Variants in MCM7 observed in about 807,000 individuals in gnomAD.
MCM7 encodes the protein minichromosome maintenance complex component 7, also known as DNA replication licensing factor MCM7.
Under a neutral mutation model 83.5 loss-of-function variants are expected in MCM7, and 95 were observed. The ratio of observed to expected loss-of-function variants is 1.14; its 90% confidence interval spans 0.96 to 1.35. The LOEUF is 1.35. Ranked by LOEUF, MCM7 falls within the 40% of genes most tolerant of loss-of-function variation. MCM7 has a pLI of 0.00. For missense variants in MCM7, 1,087 were observed against 957.4 expected (o/e 1.14, Z -1.79); for synonymous variants, 461 against 352.7 (o/e 1.31, Z -3.44).
chr7:100,100,357 C>T, intron 1 of MCM7: 3 of 1,133,102 alleles, frequency 2.6e-6, no homozygotes, highest in Non-Finnish European at 3.3e-6. Flanking sequence ...AATTCTAGCG[C>T]CCTTCCCCGT....
chr7:100,100,750 A>G, intron 1 of MCM7: 1 of 991,846 alleles, frequency 1.0e-6, no homozygotes, highest in Non-Finnish European at 1.2e-6. Context: ...CACTGTTTAC[A>G]CGACACTCCC....
Position 100,095,402 on chromosome 7 carries a change from T to C in MCM7, c.1664A>G (p.Asp555Gly). ...RQPPSQFEPL[D>G]MKLMRRYIAM... ...GCTCTCCTACCTCATGAGCTTCATG[T>C]CCAGAGGTTCAAACTGGGAGGGGGG... Residue 555 changes from aspartate (D) to glycine (G), a missense_variant, in exon 12 of 15, where the codon GAC (aspartate) becomes GGC (glycine). Transcript: ENST00000303887. The C allele has an allele frequency of 6.2e-7, 1 of 1,613,524 alleles. No individual in the cohort carries two copies. Among genetic ancestry groups the C allele is most frequent in the East Asian group, 2.2e-5 (1 of 44,882 alleles).
intron 12 of MCM7, among the ~76,000 whole-genome samples, chr7:100,094,660 A>T (rs146645751): frequency 3.3e-5 from 5 of 152,152 alleles, no homozygotes; most frequent in Admixed American, 3.3e-4. Flanking sequence ...GGCAAAACAT[A>T]TATTTTATTT....
intron 1 of MCM7, chr7:100,100,553 G>A (rs889435870): frequency 6.0e-6 from 6 of 992,422 alleles, no homozygotes; most frequent in African/African-American, 3.5e-5. Flanking sequence ...CATGGGCCCG[G>A]ATTCCAGCCG....
In MCM7 at chr7:100,100,839, G is replaced by A. The variant is rs1233422811; in HGVS notation, c.31+425C>T. ...CTCAAACGGCCAATCCCGGCGCGCA[G>A]CGGCCCCGGCCTGCCCGCCCCCGGG... On this transcript the variant is annotated intron_variant, in intron 1 of 14. Coordinates refer to ENST00000303887, the MANE Select transcript of MCM7 (RefSeq NM_005916.5). The A allele has an allele frequency of 6.9e-6, 7 of 1,008,590 alleles. No individual in the cohort carries two copies. In the African/African-American group the frequency reaches 1.0e-4, roughly 15 times the overall value. 62.5% of individuals were successfully genotyped at this position (1,008,590 alleles called of 1,614,324 possible).
In MCM7 at chr7:100,094,272, T is replaced by C; in HGVS notation, c.1749A>G (p.Ala583=). 1.9e-6 allele frequency: 3 copies of C among 1,614,188 alleles called. No homozygotes were observed. Among genetic ancestry groups the C allele is most frequent in the Non-Finnish European group, 2.5e-6 (3 of 1,180,032 alleles). ...CCTCTCGCCTCATCTCCACGTATGC[T>C]GCTGTGATGTAGTCAGCCAGAGACT... ...VPESLADYIT[A]AYVEMRREAW... is the part of the protein sequence containing the mutation. The change falls in exon 13 of 15, where the codon GCA becomes GCG. Residue 583 remains alanine, a synonymous_variant. Transcript: ENST00000303887.
intron 1 of MCM7, chr7:100,100,676 A>T: frequency 2.0e-6 from 2 of 989,798 alleles, no homozygotes; most frequent in Non-Finnish European, 2.4e-6. Context: ...GCCCGAGCGA[A>T]GCTCCGGATC....
intron 1 of MCM7, 37 bp downstream of exon 1, chr7:100,101,227 C>G: frequency 1.2e-6 from 2 of 1,612,450 alleles, no homozygotes; most frequent in East Asian, 2.2e-5. Flanking sequence ...GGGAGGCTCC[C>G]CGCGCAGGAC....
At chr7:100,097,118 A>T (rs972789645) in intron 10 of MCM7, among the ~76,000 whole-genome samples, 183 bp downstream of exon 10, 2 of 152,148 alleles carry the variant, frequency 1.3e-5, no homozygotes, top group East Asian at 3.9e-4. Context: ...ACAAAAACAA[A>T]AACAAAACTT....
intron 14 of MCM7, 38 bp downstream of exon 14, chr7:100,093,254 C>G: frequency 6.2e-7 from 1 of 1,603,640 alleles, no homozygotes; most frequent in Non-Finnish European, 8.5e-7. Context: ...CCACAGAAGA[C>G]AAAGTGACAC....
Position 100,097,390 on chromosome 7 carries a change from G to A in MCM7, c.1118-6C>T, listed in dbSNP as rs1321387617. 1 of 1,613,806 alleles carries A rather than the reference G, an allele frequency of 6.2e-7. No homozygotes were observed. Among genetic ancestry groups the A allele is most frequent in the Admixed American group, 1.7e-5 (1 of 59,990 alleles). On this transcript the variant is annotated splice_region_variant and splice_polypyrimidine_tract_variant and intron_variant, in intron 9 of 14. Transcript: ENST00000303887. ...CAGACAGATGTTGATGTTGCCTGGA[G>A]GAAGGGAAGGCAGCCCTGGAATGAC...
intron 1 of MCM7, chr7:100,100,462 G>C (rs973332009): frequency 2.0e-6 from 2 of 994,850 alleles, no homozygotes; most frequent in Non-Finnish European, 2.4e-6. Context: ...TGATTTCACC[G>C]GGACCTCCGC....
chr7:100,100,978 T>A (rs773500820), intron 1 of MCM7: 3 of 943,774 alleles, frequency 3.2e-6, no homozygotes, highest in East Asian at 6.3e-5. Context: ...GGGCGCGACT[T>A]TTCCCTGTGC....
intron 6 of MCM7, 21 bp from the exon 7 acceptor site, chr7:100,098,311 TA>T (rs761589521): frequency 6.2e-7 from 1 of 1,612,988 alleles, no homozygotes; most frequent in South Asian, 1.1e-5. Context: ...GAAAGGCACA[TA>T]AGACTAGGAG....
At position 100,093,413 on chromosome 7, in the gene MCM7, G is replaced by A. The variant is rs1192008275; in HGVS notation, c.1849-12C>T. 1 of 1,612,230 alleles carries A rather than the reference G, an allele frequency of 6.2e-7. No individual in the cohort carries two copies. The highest frequency in any genetic ancestry group is 8.5e-7 in the Non-Finnish European group (1 of 1,178,346). ...ATTCTCAGACGTGCCTAAGGGGAAG[G>A]TAGGGGGGAAAGATGGGAACGGGAG... On this transcript the variant is annotated splice_polypyrimidine_tract_variant and intron_variant, in intron 13 of 14. Transcript: ENST00000303887.
In MCM7 at chr7:100,101,390, C is replaced by T. The variant is rs1796021486; in HGVS notation, c.-96G>A. Reference sequence around the variant, plus strand: ...CGCGCGGTGGACTGTGGCCGGCCAACCGAAATTGGCGCGAAACGTCGCCCC... The same window carrying T: ...CGCGCGGTGGACTGTGGCCGGCCAATCGAAATTGGCGCGAAACGTCGCCCC... On this transcript the variant is annotated 5_prime_UTR_variant, in exon 1 of 15. Transcript: ENST00000303887. 13 of 1,547,568 alleles carry T rather than the reference C, an allele frequency of 8.4e-6. No homozygotes were observed. The highest frequency in any genetic ancestry group is 1.4e-5 in the African/African-American group (1 of 73,694).
chr7:100,099,225 A>G, intron 4 of MCM7, 22 bp from the exon 5 acceptor site: 2 of 1,614,072 alleles, frequency 1.2e-6, no homozygotes, highest in Non-Finnish European at 1.7e-6. Context: ...AAACAGTCAC[A>G]AACAAGATCC....
rs367804354 is a variant in MCM7 at position 100,100,500 on chromosome 7, C to G, written c.32-407G>C. On this transcript the variant is annotated intron_variant, in intron 1 of 14. Transcript: ENST00000303887. ...CCGCACCCCGCCACCGCACCCCACCCCCGCTCCCGCCATCGCTTCCGCTCT... is the reference window on the plus strand; with the variant it reads ...CCGCACCCCGCCACCGCACCCCACCGCCGCTCCCGCCATCGCTTCCGCTCT... 4.6e-5 allele frequency: 46 copies of G among 1,002,868 alleles called. No homozygotes were observed. The African/African-American group carries it at 7.7e-4, about 17-fold the overall frequency. 62.1% of individuals were successfully genotyped at this position (1,002,868 alleles called of 1,614,324 possible). A position where few individuals can be genotyped will look rare whatever the true frequency, so the allele number is the denominator to read the frequency against.
In MCM7 at chr7:100,096,131, C is replaced by G; in HGVS notation, c.1238G>C (p.Gly413Ala). The stretch of plus-strand genomic sequence containing the variant: ...GTCTCTCAGCACAGCTGCCGTAAGC[C>G]CCACTCCTGAGGAGCCCCGGCCTGT... ...YTTGRGSSGV[G>A]LTAAVLRDSV... The change falls in exon 11 of 15, where the codon GGG becomes GCG. Residue 413 changes from glycine to alanine, a missense_variant. Gly to Ala is a moderately conservative substitution (Grantham distance 60, BLOSUM62 0). Transcript: ENST00000303887. 6.2e-7 allele frequency: 1 copy of G among 1,612,682 alleles called. No individual in the cohort carries two copies. Among genetic ancestry groups the G allele is most frequent in the Non-Finnish European group, 8.5e-7 (1 of 1,179,168 alleles).
Sources: allele counts gnomAD v4.1 joint callset (sites outside exome capture counted in the v4.1 genomes callset), GRCh38; gene constraint gnomAD v4.1.1; transcripts MANE v1.5; gene names NCBI Gene and HGNC (gene_info 2026-07-23, HGNC 2026-07-21).